The following KIAA1217 variants were observed in gnomAD, a reference collection of about 807,000 sequenced individuals.
The protein encoded by KIAA1217 is KIAA1217, also known as sickle tail protein homolog.
KIAA1217 carries 88 observed loss-of-function variants against 163.9 expected under a neutral mutation model. That is an observed-to-expected ratio of 0.54 (90% CI 0.45 to 0.64). The LOEUF is 0.64. Ranked by LOEUF, KIAA1217 falls within the 30% of genes least tolerant of loss-of-function variation. The pLI, the probability that KIAA1217 is intolerant of heterozygous loss-of-function variation, is 0.00. For missense variants in KIAA1217, 2,372 were observed against 2,475.0 expected (o/e 0.96, Z 0.88); for synonymous variants, 903 against 923.1 (o/e 0.98, Z 0.39).
At chr10:24,422,326 A>G (rs1328484285) in intron 3 of KIAA1217, among the ~76,000 whole-genome samples, 1 of 152,234 alleles carries the variant, frequency 6.6e-6, no homozygotes, top group East Asian at 1.9e-4. Context: ...GCCTTATAAC[A>G]TTAATTGATA....
At chr10:23,745,781 T>C (rs10508664) in intron 1 of KIAA1217, among the ~76,000 whole-genome samples, 35,989 of 152,022 alleles carry the variant, frequency 0.24, 4,732 homozygotes, top group African/African-American at 0.35. Flanking sequence ...ATCATAGCCT[T>C]GTAGATGGAT....
chr10:23,772,068 G>C (rs567048561), intron 1 of KIAA1217, among the ~76,000 whole-genome samples: 1 of 152,304 alleles, frequency 6.6e-6, no homozygotes, highest in East Asian at 1.9e-4. Flanking sequence ...TTAAATGTTA[G>C]TAAATATTAG....
chr10:24,075,073 C>T (rs1291704036), intron 2 of KIAA1217, among the ~76,000 whole-genome samples: 1 of 151,462 alleles, frequency 6.6e-6, no homozygotes, highest in Non-Finnish European at 1.5e-5. Context: ...GATAAAACCT[C>T]TTGCAGGATC....
At chr10:23,705,110 T>C (rs1422758009) in intron 1 of KIAA1217, among the ~76,000 whole-genome samples, 2 of 152,192 alleles carry the variant, frequency 1.3e-5, no homozygotes, top group Non-Finnish European at 2.9e-5. Flanking sequence ...GAAATGTCTA[T>C]TCAAATTCAT....
At chr10:24,142,028 T>C (rs996084218) in intron 2 of KIAA1217, among the ~76,000 whole-genome samples, 12 of 152,166 alleles carry the variant, frequency 7.9e-5, no homozygotes, top group African/African-American at 2.9e-4. Context: ...AAAATATTAG[T>C]TCATCATATA....
At chr10:24,129,816 T>C (rs1046862224) in intron 2 of KIAA1217, among the ~76,000 whole-genome samples, 2 of 152,246 alleles carry the variant, frequency 1.3e-5, no homozygotes, top group Admixed American at 1.3e-4. Flanking sequence ...GTTCTTTTTT[T>C]CTTTATTCTT....
At chr10:24,497,782 G>A (rs2066992608) in intron 8 of KIAA1217, among the ~76,000 whole-genome samples, 1 of 151,254 alleles carries the variant, frequency 6.6e-6, no homozygotes, top group Non-Finnish European at 1.5e-5. Flanking sequence ...TGGTGCCACT[G>A]GCTACAATTA....
rs1056964674 is a variant in KIAA1217, at chr10:24,392,925, T to C, written c.553+11858T>C. ...TTACTGTTTTCATAAATGCAAAATA[T>C]ATTACACACATTATTTTTTTTTAAT... On this transcript the variant is annotated intron_variant, in intron 3 of 20. Coordinates refer to ENST00000376454, the MANE Select transcript of KIAA1217 (RefSeq NM_019590.5). Among the ~76,000 whole-genome samples, 4 of 152,300 alleles carry C rather than the reference T, an allele frequency of 2.6e-5. No individual in the cohort carries two copies. The East Asian group carries it at 5.8e-4, about 22-fold the overall frequency.
At chr10:23,713,981 C>T (rs1837413949) in intron 1 of KIAA1217, among the ~76,000 whole-genome samples, 1 of 152,090 alleles carries the variant, frequency 6.6e-6, no homozygotes, top group South Asian at 2.1e-4. Flanking sequence ...GGCACCTCAC[C>T]TTTAATATGT....
intron 1 of KIAA1217, among the ~76,000 whole-genome samples, chr10:23,940,669 T>C (rs1476401463): frequency 1.3e-5 from 2 of 152,130 alleles, no homozygotes; most frequent in Non-Finnish European, 2.9e-5. Flanking sequence ...GGAATTTTAC[T>C]AAGATAGGTC....
rs1297777237 is a variant in KIAA1217 at position 24,378,428 on chromosome 10, CT to C, written c.355-2440del. Among the ~76,000 whole-genome samples, 4 of 152,204 alleles carry C rather than the reference CT, an allele frequency of 2.6e-5. No individual in the cohort carries two copies. In the East Asian group the frequency reaches 7.7e-4, roughly 29 times the overall value. ...CCTCACCTACACTCTTCCTCCTCCC[CT>C]GATGCCCCTTTAAACTCAGCAGTTA... is the stretch of plus-strand genomic sequence containing the variant. On this transcript the variant is annotated intron_variant, in intron 2 of 20. Transcript: ENST00000376454.
rs1210930891 is a variant in KIAA1217, at chr10:24,177,258, C to CATATATATAT, written c.-170-42337_-170-42328dup. ...CTAGCACGTTTTCACCTCTCACCAT[C>CATATATATAT]ATATATATATATATATATATATATA... On this transcript the variant is annotated intron_variant, in intron 2 of 18. Transcript: ENST00000376462. Among the ~76,000 whole-genome samples, 210 of 25,056 alleles carry CATATATATAT rather than the reference C, an allele frequency of 8.4e-3. 4 individuals carry two copies. The highest frequency in any genetic ancestry group is 0.018 in the East Asian group (4 of 224). The allele number at this position is 25,056 out of a possible 152,430, so 16.4% of individuals were successfully genotyped here. A position where few individuals can be genotyped will look rare whatever the true frequency, so the allele number is the denominator to read the frequency against.
At chr10:24,378,329 C>A (rs1420322829) in intron 2 of KIAA1217, among the ~76,000 whole-genome samples, 1 of 152,084 alleles carries the variant, frequency 6.6e-6, no homozygotes, top group Non-Finnish European at 1.5e-5. Flanking sequence ...CTGTTCAGTC[C>A]AATCAGGAAA....
chr10:24,484,830 G>A (rs569513819), intron 6 of KIAA1217, among the ~76,000 whole-genome samples: 1 of 152,296 alleles, frequency 6.6e-6, no homozygotes, highest in East Asian at 1.9e-4. Context: ...AAACCATGAA[G>A]CCATAGAGTT....
intron 2 of KIAA1217, among the ~76,000 whole-genome samples, chr10:24,322,154 A>T (rs573653962): frequency 3.7e-4 from 56 of 152,110 alleles, no homozygotes; most frequent in Non-Finnish European, 6.6e-4. Context: ...GTGTTTTACC[A>T]TGTTGGCCAG....
intron 2 of KIAA1217, among the ~76,000 whole-genome samples, chr10:24,048,684 C>A (rs1308391886): frequency 6.8e-6 from 1 of 147,668 alleles, no homozygotes; most frequent in Non-Finnish European, 1.5e-5. Flanking sequence ...GAGCCAAGAT[C>A]ATACCCCTGC....
At chr10:23,781,219 T>C (rs993374150) in intron 1 of KIAA1217, among the ~76,000 whole-genome samples, 3 of 152,218 alleles carry the variant, frequency 2.0e-5, no homozygotes, top group African/African-American at 7.2e-5. Context: ...AATTTATTCT[T>C]ACTCCTACCA....
intron 2 of KIAA1217, among the ~76,000 whole-genome samples, chr10:24,355,728 CTTTTTTTTTTTTTTTTTTTTTTTT>C (rs869211148): frequency 1.6e-4 from 5 of 32,170 alleles, no homozygotes; most frequent in East Asian, 2.0e-3. Flanking sequence ...AGTCCTCACT[CTTTTTTTTTTTTTTTTTTTTTTTT>C]TTTTTTTTTT....
At chr10:24,052,496 T>C (rs112634128) in intron 2 of KIAA1217, among the ~76,000 whole-genome samples, 20 of 152,276 alleles carry the variant, frequency 1.3e-4, no homozygotes, top group African/African-American at 3.4e-4. Flanking sequence ...TAAGAGATTA[T>C]ATAGAATCAC....
Sources: gnomAD v4.1 joint callset for allele counts (sites outside exome capture counted in the v4.1 genomes callset) on GRCh38, gnomAD v4.1.1 for gene constraint, MANE v1.5 for transcripts, NCBI Gene and HGNC (gene_info 2026-07-23, HGNC 2026-07-21) for gene names.